Variants in EPB41 observed in about 807,000 individuals in gnomAD.
EPB41 encodes erythrocyte membrane protein band 4.1, also known as protein 4.1.
In EPB41, 65 loss-of-function variants were observed where a neutral mutation model predicts 108.0. That is an observed-to-expected ratio of 0.60 (90% CI 0.49 to 0.74). The LOEUF (loss-of-function observed/expected upper bound fraction) is 0.74. Ranked by LOEUF, EPB41 falls within the 30% of genes least tolerant of loss-of-function variation. The probability of loss-of-function intolerance (pLI) is 0.00; values close to 1 mark genes in which losing one functional copy is unlikely to be tolerated. For synonymous variants in EPB41, 336 were observed against 358.9 expected, an observed-to-expected ratio of 0.94 and a Z score of 0.72; for missense variants, 875 against 1,037.0, an observed-to-expected ratio of 0.84 and a Z score of 2.15.
rs2095776629 is a variant in EPB41 at position 28,982,453 on chromosome 1, AC to A, written c.-7-4977del. 43 of 766,570 alleles carry A rather than the reference AC, an allele frequency of 5.6e-5. No individual in the cohort carries two copies. The South Asian group carries it at 5.8e-4, about 10-fold the overall frequency. 47.5% of individuals were successfully genotyped at this position (766,570 alleles called of 1,614,324 possible). A position where few individuals can be genotyped will look rare whatever the true frequency, so the allele number is the denominator to read the frequency against. On this transcript the variant is annotated intron_variant, in intron 1 of 20. Transcript: ENST00000343067. Reference sequence around the variant, plus strand: ...CTTCTTCTTGCCCATGGCAGCTGTCACTTTGCAGGGGTAGTGGTCAATTCCA... The same window carrying A: ...CTTCTTCTTGCCCATGGCAGCTGTCATTTGCAGGGGTAGTGGTCAATTCCA...
At chr1:29,065,306 T>C in intron 16 of EPB41, 148 bp downstream of exon 16, 1 of 1,353,276 alleles carries the variant, frequency 7.4e-7, no homozygotes, top group South Asian at 2.0e-5. Flanking sequence ...GCATTTGTAA[T>C]CAAATATTTA....
intron 16 of EPB41, among the ~76,000 whole-genome samples, chr1:29,074,429 G>A (rs767216447): frequency 2.0e-5 from 3 of 152,096 alleles, no homozygotes; most frequent in Non-Finnish European, 4.4e-5. Context: ...TGTGTGGCAT[G>A]TAGCATTACC....
intron 1 of EPB41, among the ~76,000 whole-genome samples, chr1:28,983,672 C>T (rs1295100638): frequency 1.3e-5 from 2 of 152,180 alleles, no homozygotes; most frequent in Non-Finnish European, 2.9e-5. Flanking sequence ...TGCCTTGGTG[C>T]TTGCAGTACT....
intron 1 of EPB41, among the ~76,000 whole-genome samples, chr1:28,888,783 G>A (rs1158695091): frequency 1.3e-5 from 2 of 152,004 alleles, no homozygotes; most frequent in African/African-American, 4.8e-5. Flanking sequence ...GCCCGCCACC[G>A]CGCCCGGCTA....
chr1:29,062,049 A>G (rs937899727), intron 15 of EPB41, among the ~76,000 whole-genome samples: 15 of 152,222 alleles, frequency 9.9e-5, no homozygotes, highest in South Asian at 4.1e-4. Flanking sequence ...GTGGTGGGTG[A>G]AATACCAAGT....
At chr1:29,013,496 T>G (rs1448289509) in intron 5 of EPB41, among the ~76,000 whole-genome samples, 1 of 152,022 alleles carries the variant, frequency 6.6e-6, no homozygotes, top group African/African-American at 2.4e-5. Flanking sequence ...AGGTGGGGGT[T>G]TTTTAAATTT....
chr1:28,962,125 A>C (rs1370398185), intron 1 of EPB41, among the ~76,000 whole-genome samples: 1 of 151,092 alleles, frequency 6.6e-6, no homozygotes, highest in Non-Finnish European at 1.5e-5. Context: ...CAGTGGCGCT[A>C]TCTTGGCTCA....
At chr1:29,108,443 C>T (rs892213210) in intron 17 of EPB41, among the ~76,000 whole-genome samples, 5 of 151,680 alleles carry the variant, frequency 3.3e-5, no homozygotes, top group Non-Finnish European at 7.4e-5. Context: ...CCACCGTGCC[C>T]GGCCCCTGCC....
At chr1:28,952,025 G>C (rs1308579041) in intron 1 of EPB41, among the ~76,000 whole-genome samples, 1 of 152,104 alleles carries the variant, frequency 6.6e-6, no homozygotes, top group African/African-American at 2.4e-5. Flanking sequence ...TAGGGGAACT[G>C]AGAAAAATAT....
chr1:28,986,133 A>G (rs2095865023), intron 1 of EPB41, among the ~76,000 whole-genome samples: 1 of 151,670 alleles, frequency 6.6e-6, no homozygotes, highest in Non-Finnish European at 1.5e-5. Flanking sequence ...TTCCAATTTC[A>G]TCCATGTCCC....
intron 7 of EPB41, among the ~76,000 whole-genome samples, chr1:29,023,217 ACTC>A (rs1202487246): frequency 6.6e-6 from 1 of 151,372 alleles, no homozygotes; most frequent in Non-Finnish European, 1.5e-5. Flanking sequence ...CTGGTCCTGA[ACTC>A]CTGACCTCAG....
At chr1:29,063,047 T>C (rs567767617) in intron 15 of EPB41, among the ~76,000 whole-genome samples, 32 of 152,356 alleles carry the variant, frequency 2.1e-4, no homozygotes, top group African/African-American at 7.7e-4. Flanking sequence ...CTCTTGCTTA[T>C]TTTTGTTTTG....
intron 16 of EPB41, 144 bp downstream of exon 16, chr1:29,065,302 G>T: frequency 7.4e-7 from 1 of 1,350,974 alleles, no homozygotes; most frequent in South Asian, 2.0e-5. Flanking sequence ...TAAGGCATTT[G>T]TAATCAAATA....
At chr1:29,009,321 G>A (rs1172315945) in intron 4 of EPB41, among the ~76,000 whole-genome samples, 5 of 152,088 alleles carry the variant, frequency 3.3e-5, no homozygotes, top group East Asian at 1.9e-4. Flanking sequence ...TGATTTGGAG[G>A]TGTAGGTAAT....
chr1:29,040,267 CTTTT>C, intron 11 of EPB41, among the ~76,000 whole-genome samples: 1 of 147,730 alleles, frequency 6.8e-6, no homozygotes, highest in Middle Eastern at 3.5e-3. Context: ...CTACAACAAT[CTTTT>C]TTTTTTTCTT....
At chr1:29,045,131 C>T (rs1349429278) in intron 11 of EPB41, among the ~76,000 whole-genome samples, 3 of 152,110 alleles carry the variant, frequency 2.0e-5, no homozygotes, top group African/African-American at 7.2e-5. Flanking sequence ...TCTATTTCCA[C>T]TAAAAAAGTC....
chr1:29,105,743 CTTTT>C (rs63685960), intron 17 of EPB41, among the ~76,000 whole-genome samples: 1 of 91,082 alleles, frequency 1.1e-5, no homozygotes. Context: ...ATGTACAGAT[CTTTT>C]TTTTTTTTTT....
At chr1:28,962,547 ACT>A (rs1349893577) in intron 1 of EPB41, among the ~76,000 whole-genome samples, 4 of 151,886 alleles carry the variant, frequency 2.6e-5, no homozygotes, top group African/African-American at 9.7e-5. Context: ...CCAGCAAGAA[ACT>A]CTGTACCCAT....
intron 1 of EPB41, chr1:28,982,280 A>G (rs1372507875): frequency 2.8e-5 from 15 of 544,894 alleles, no homozygotes; most frequent in Non-Finnish European, 4.6e-5. Flanking sequence ...CAAAGCATCT[A>G]AAACCACAGC....
Sources: allele counts gnomAD v4.1 joint callset (sites outside exome capture counted in the v4.1 genomes callset), GRCh38; gene constraint gnomAD v4.1.1; transcripts MANE v1.5; gene names NCBI Gene and HGNC (gene_info 2026-07-23, HGNC 2026-07-21).